The following CADM2 variants were observed in gnomAD, a reference collection of about 807,000 sequenced individuals.
CADM2 encodes the protein immunoglobulin superfamily member 4D.
In CADM2, 12 loss-of-function variants were observed where a neutral mutation model predicts 49.8. The ratio of observed to expected loss-of-function variants is 0.24; its 90% CI spans 0.15 to 0.39. The LOEUF (loss-of-function observed/expected upper bound fraction) is 0.39, where lower values mean the gene tolerates loss of function less well. CADM2 is among the 10% of genes least tolerant of loss of function. CADM2 has a pLI of 1.00. For missense variants in CADM2, 378 were observed against 492.3 expected (o/e 0.77, Z 2.20); for synonymous variants, 214 against 175.4 (o/e 1.22, Z -1.74).
intron 3 of CADM2, among the ~76,000 whole-genome samples, chr3:85,835,255 G>A (rs1280541342): frequency 1.3e-5 from 2 of 150,396 alleles, no homozygotes; most frequent in Non-Finnish European, 3.0e-5. Context: ...CTTTTAAAAA[G>A]CTACACTTTA....
intron 8 of CADM2, among the ~76,000 whole-genome samples, chr3:86,065,142 G>C (rs1242790477): frequency 6.6e-6 from 1 of 152,068 alleles, no homozygotes; most frequent in Non-Finnish European, 1.5e-5. Flanking sequence ...ACACCAATGG[G>C]TGAATTAGTC....
At chr3:85,543,681 G>C (rs1232012774) in intron 1 of CADM2, among the ~76,000 whole-genome samples, 2 of 152,108 alleles carry the variant, frequency 1.3e-5, no homozygotes, top group Non-Finnish European at 2.9e-5. Flanking sequence ...CACAGTTCTT[G>C]ATGCTGAAAG....
intron 1 of CADM2, among the ~76,000 whole-genome samples, chr3:85,158,186 A>G (rs2040200864): frequency 1.3e-5 from 2 of 152,192 alleles, no homozygotes. Context: ...AAAAGTCAGG[A>G]AACAACAGGT....
At chr3:85,059,711 C>T (rs990039382) in intron 1 of CADM2, among the ~76,000 whole-genome samples, 3 of 152,104 alleles carry the variant, frequency 2.0e-5, no homozygotes, top group Admixed American at 6.5e-5. Context: ...TTTCCCTGCA[C>T]AAGGTCTCTT....
intron 1 of CADM2, among the ~76,000 whole-genome samples, chr3:85,308,893 C>T (rs6780644): frequency 0.23 from 35,029 of 151,902 alleles, 6,591 homozygotes; most frequent in African/African-American, 0.53. Flanking sequence ...AGAAGGATAT[C>T]CTTAGCAGGC....
intron 1 of CADM2, among the ~76,000 whole-genome samples, chr3:85,024,957 A>G (rs1008384238): frequency 5.3e-5 from 8 of 151,940 alleles, no homozygotes; most frequent in African/African-American, 1.9e-4. Context: ...TTTAGTTTAA[A>G]TTTTCTTTTT....
intron 1 of CADM2, among the ~76,000 whole-genome samples, chr3:85,219,301 G>T (rs897098919): frequency 1.3e-5 from 2 of 152,010 alleles, no homozygotes; most frequent in African/African-American, 2.4e-5. Flanking sequence ...AATATTTGAT[G>T]GATTGAGAGA....
intron 1 of CADM2, among the ~76,000 whole-genome samples, chr3:85,210,243 TG>T (rs1267850450): frequency 6.6e-6 from 1 of 152,262 alleles, no homozygotes; most frequent in African/African-American, 2.4e-5. Context: ...ATATGTTTTT[TG>T]AACTTTGTTC....
intron 1 of CADM2, among the ~76,000 whole-genome samples, chr3:85,001,713 T>G (rs547410797): frequency 6.6e-6 from 1 of 152,194 alleles, no homozygotes; most frequent in African/African-American, 2.4e-5. Context: ...TAAGAAGTGT[T>G]GTTGATACTC....
intron 1 of CADM2, among the ~76,000 whole-genome samples, chr3:85,702,005 TAGA>T (rs2107711744): frequency 6.6e-6 from 1 of 151,334 alleles, no homozygotes; most frequent in East Asian, 1.9e-4. Flanking sequence ...GATAGATAGA[TAGA>T]TAGATAGATA....
At chr3:85,396,650 A>T (rs1436719419) in intron 1 of CADM2, among the ~76,000 whole-genome samples, 1 of 152,066 alleles carries the variant, frequency 6.6e-6, no homozygotes, top group Non-Finnish European at 1.5e-5. Flanking sequence ...AATGTTGAAA[A>T]TAATAAGCCA....
At chr3:85,050,315 C>A (rs1402198815) in intron 1 of CADM2, among the ~76,000 whole-genome samples, 1 of 151,906 alleles carries the variant, frequency 6.6e-6, no homozygotes, top group Non-Finnish European at 1.5e-5. Flanking sequence ...ATGCAGAACA[C>A]TTGTTGCACA....
At chr3:85,345,067 G>A (rs1248100936) in intron 1 of CADM2, among the ~76,000 whole-genome samples, 2 of 151,974 alleles carry the variant, frequency 1.3e-5, no homozygotes, top group Non-Finnish European at 2.9e-5. Flanking sequence ...CCGTAATCCA[G>A]CATTTTGGGA....
At chr3:86,065,390 G>A (rs1739187534) in intron 8 of CADM2, among the ~76,000 whole-genome samples, 1 of 152,192 alleles carries the variant, frequency 6.6e-6, no homozygotes, top group African/African-American at 2.4e-5. Context: ...TCCTTAAAAT[G>A]TAAGCTCAAT....
At chr3:85,538,472 G>A (rs56375545) in intron 1 of CADM2, among the ~76,000 whole-genome samples, 1,706 of 152,092 alleles carry the variant, frequency 0.011, 35 homozygotes, top group African/African-American at 0.039. Context: ...TTTCCACTTC[G>A]CCACAGCTGC....
chr3:85,216,661 T>A (rs1311670748), intron 1 of CADM2, among the ~76,000 whole-genome samples: 1 of 152,050 alleles, frequency 6.6e-6, no homozygotes. Flanking sequence ...TCAGTCAACA[T>A]CTTGGTTACA....
chr3:86,064,061 A>AC (rs1559833812), intron 8 of CADM2, among the ~76,000 whole-genome samples: 1 of 140,000 alleles, frequency 7.1e-6, no homozygotes, highest in African/African-American at 3.3e-5. Context: ...ATATATATAC[A>AC]TTTTTTTATT....
At chr3:85,938,090 GCTT>G (rs1450513272) in intron 7 of CADM2, among the ~76,000 whole-genome samples, 12 of 151,884 alleles carry the variant, frequency 7.9e-5, no homozygotes, top group African/African-American at 2.4e-4. Context: ...TTGGACTATT[GCTT>G]CTTCTTCGTT....
intron 1 of CADM2, among the ~76,000 whole-genome samples, chr3:85,226,771 A>G (rs1559731095): frequency 6.6e-6 from 1 of 152,264 alleles, no homozygotes; most frequent in East Asian, 1.9e-4. Context: ...ATTTAGTGCT[A>G]TAAATTTCCC....
Sources: allele counts gnomAD v4.1 joint callset (sites outside exome capture counted in the v4.1 genomes callset), GRCh38; gene constraint gnomAD v4.1.1; transcripts MANE v1.5; gene names NCBI Gene and HGNC (gene_info 2026-07-23, HGNC 2026-07-21).